The following MAGI1 variants were observed in gnomAD, a reference collection of about 807,000 sequenced individuals.
MAGI1 encodes membrane associated guanylate kinase, WW and PDZ domain containing 1.
MAGI1 carries 58 observed loss-of-function variants against 139.9 expected under a neutral mutation model. The ratio of observed to expected loss-of-function variants is 0.41; its 90% CI spans 0.34 to 0.52. The LOEUF (loss-of-function observed/expected upper bound fraction) is 0.52. Ranked by LOEUF, MAGI1 falls within the 20% of genes least tolerant of loss-of-function variation. The probability of loss-of-function intolerance (pLI) is 0.12; values close to 1 mark genes in which losing one functional copy is unlikely to be tolerated. For synonymous variants in MAGI1, 812 were observed against 737.9 expected (o/e 1.10, Z -1.63); for missense variants, 1,874 against 1,901.6 (o/e 0.99, Z 0.27).
chr3:65,690,980 G>T (rs945949853), intron 1 of MAGI1, among the ~76,000 whole-genome samples: 2 of 152,016 alleles, frequency 1.3e-5, no homozygotes, highest in African/African-American at 4.8e-5. Flanking sequence ...CATCCTGAGA[G>T]TATTTCTTAG....
intron 2 of MAGI1, among the ~76,000 whole-genome samples, chr3:65,518,236 T>C (rs2077992920): frequency 6.6e-6 from 1 of 152,184 alleles, no homozygotes; most frequent in Admixed American, 6.5e-5. Flanking sequence ...CCTCTAGTTC[T>C]CCTTCACAGA....
At chr3:65,791,426 C>T (rs1217378044) in intron 1 of MAGI1, among the ~76,000 whole-genome samples, 2 of 152,124 alleles carry the variant, frequency 1.3e-5, no homozygotes, top group African/African-American at 4.8e-5. Flanking sequence ...CATTCAAAAG[C>T]ACACTGCTGA....
intron 1 of MAGI1, among the ~76,000 whole-genome samples, chr3:65,769,955 A>T (rs1381514209): frequency 6.6e-6 from 1 of 152,210 alleles, no homozygotes. Flanking sequence ...AGTATCCAAC[A>T]GGGCCCTTGG....
At chr3:65,679,458 G>A (rs911206255) in intron 1 of MAGI1, among the ~76,000 whole-genome samples, 3 of 152,108 alleles carry the variant, frequency 2.0e-5, no homozygotes. Flanking sequence ...AGCACTTTGG[G>A]AGGCTGAGGC....
chr3:65,752,214 G>T (rs1013390850), intron 1 of MAGI1, among the ~76,000 whole-genome samples: 3 of 152,162 alleles, frequency 2.0e-5, no homozygotes, highest in African/African-American at 4.8e-5. Context: ...CTCCCAAAGT[G>T]CTGGGATTAC....
intron 2 of MAGI1, among the ~76,000 whole-genome samples, chr3:65,545,054 T>A (rs2079432216): frequency 6.6e-6 from 1 of 152,186 alleles, no homozygotes; most frequent in African/African-American, 2.4e-5. Context: ...AGTTTCAGTT[T>A]ACCAAAATGG....
At chr3:65,952,915 T>C (rs909599065) in intron 1 of MAGI1, among the ~76,000 whole-genome samples, 5 of 152,214 alleles carry the variant, frequency 3.3e-5, no homozygotes, top group Admixed American at 6.5e-5. Context: ...ACAAACACTT[T>C]CATAACACTT....
At chr3:66,002,502 T>G (rs1197457599) in intron 1 of MAGI1, among the ~76,000 whole-genome samples, 1 of 152,092 alleles carries the variant, frequency 6.6e-6, no homozygotes, top group Admixed American at 6.5e-5. Flanking sequence ...CTGTCCCACA[T>G]AGACTATTTT....
chr3:65,919,679 TTCTCTCTC>T (rs10575249), intron 1 of MAGI1, among the ~76,000 whole-genome samples: 4,008 of 148,502 alleles, frequency 0.027, 138 homozygotes, highest in East Asian at 0.13. Flanking sequence ...TTCTCTCTCC[TTCTCTCTC>T]TCTCTCTCTC....
chr3:66,010,070 T>G (rs1453771419), intron 1 of MAGI1, among the ~76,000 whole-genome samples: 1 of 81,426 alleles, frequency 1.2e-5, no homozygotes, highest in Non-Finnish European at 2.3e-5. Flanking sequence ...AGTGATACTC[T>G]CTGTCTCAAA....
intron 2 of MAGI1, among the ~76,000 whole-genome samples, chr3:65,559,153 T>C (rs1265502499): frequency 6.6e-6 from 1 of 152,244 alleles, no homozygotes. Context: ...CTGACTTTAG[T>C]ATCTCTTTAA....
At chr3:65,981,999 G>A (rs998438402) in intron 1 of MAGI1, among the ~76,000 whole-genome samples, 3 of 152,192 alleles carry the variant, frequency 2.0e-5, no homozygotes, top group African/African-American at 4.8e-5. Context: ...ATCAGGTCTC[G>A]TAAGTCGAGG....
At chr3:65,780,151 T>G (rs2038813896) in intron 1 of MAGI1, among the ~76,000 whole-genome samples, 1 of 152,056 alleles carries the variant, frequency 6.6e-6, no homozygotes, top group African/African-American at 2.4e-5. Context: ...GCCTTCTAAG[T>G]AGCTGTGGAC....
At chr3:65,674,040 A>T (rs1347475462) in intron 1 of MAGI1, among the ~76,000 whole-genome samples, 1 of 152,150 alleles carries the variant, frequency 6.6e-6, no homozygotes, top group Non-Finnish European at 1.5e-5. Context: ...GGGGTTCAGG[A>T]CCAGCCTGGG....
chr3:65,743,706 T>A (rs1234337535), intron 1 of MAGI1, among the ~76,000 whole-genome samples: 1 of 149,888 alleles, frequency 6.7e-6, no homozygotes, highest in Non-Finnish European at 1.5e-5. Context: ...CAAGACTCCA[T>A]CTCAAAAAAA....
intron 1 of MAGI1, among the ~76,000 whole-genome samples, chr3:65,829,960 A>T (rs17073911): frequency 0.015 from 2,243 of 152,314 alleles, 55 homozygotes; most frequent in African/African-American, 0.051. Flanking sequence ...GGATTCAGCA[A>T]TGCTTACAAA....
chr3:65,780,844 C>T (rs779410735), intron 1 of MAGI1, among the ~76,000 whole-genome samples: 1 of 152,162 alleles, frequency 6.6e-6, no homozygotes, highest in Non-Finnish European at 1.5e-5. Flanking sequence ...ATTTGCACTG[C>T]TTATGGTATA....
At chr3:65,866,969 A>C (rs1273208696) in intron 1 of MAGI1, among the ~76,000 whole-genome samples, 3 of 152,142 alleles carry the variant, frequency 2.0e-5, no homozygotes, top group Non-Finnish European at 2.9e-5. Flanking sequence ...AGCAACATCC[A>C]CCTAGCTTCA....
intron 1 of MAGI1, among the ~76,000 whole-genome samples, chr3:65,830,468 C>T (rs1049718806): frequency 4.6e-5 from 7 of 152,124 alleles, no homozygotes; most frequent in African/African-American, 1.7e-4. Flanking sequence ...AGTAACAGCT[C>T]TCATGCAAAA....
Sources: allele counts gnomAD v4.1 joint callset (sites outside exome capture counted in the v4.1 genomes callset), GRCh38; gene constraint gnomAD v4.1.1; transcripts MANE v1.5; gene names NCBI Gene and HGNC (gene_info 2026-07-23, HGNC 2026-07-21).